Variants in SEMA4C observed in about 807,000 individuals in gnomAD.
SEMA4C encodes semaphorin-4C.
Under a neutral mutation model 89.0 loss-of-function variants are expected in SEMA4C, and 19 were observed. The observed-to-expected ratio is 0.21, with a 90% confidence interval of 0.15 to 0.31. SEMA4C has a LOEUF of 0.31. Among genes scored for constraint, SEMA4C ranks in the 10% least tolerant of loss-of-function variants. The pLI is 1.00. For missense variants in SEMA4C, 811 were observed against 1,107.0 expected (o/e 0.73, Z 3.79); for synonymous variants, 428 against 472.7 (o/e 0.91, Z 1.23).
In SEMA4C at chr2:96,864,426, C is replaced by G; in HGVS notation, c.963-44G>C. On this transcript the variant is annotated intron_variant, in intron 9 of 14. Transcript: ENST00000305476. The surrounding 1 kb of genome is among the most constrained non-coding windows in gnomAD (Gnocchi z 6.3). Reference sequence around the variant, plus strand: ...GCCCAGGGTCAGGTACCCACCTTATCTCTTCCCACCCCAGCTAAGGGCAAG... The same window carrying G: ...GCCCAGGGTCAGGTACCCACCTTATGTCTTCCCACCCCAGCTAAGGGCAAG... 1 of 1,607,452 alleles carries G rather than the reference C, an allele frequency of 6.2e-7. No individual in the cohort carries two copies. The highest frequency in any genetic ancestry group is 2.2e-5 in the East Asian group (1 of 44,868).
At position 96,861,831 on chromosome 2, in the gene SEMA4C, A is replaced by G. The variant is rs1361403430; in HGVS notation, c.1507T>C (p.Tyr503His). 1 of 1,612,826 alleles carries G rather than the reference A, an allele frequency of 6.2e-7. No individual in the cohort carries two copies. The change falls in exon 13 of 15, where the codon TAT (tyrosine) becomes CAT (histidine). Residue 503 changes from tyrosine to histidine, a missense_variant. Around this residue, in one of 4 missense-constraint regions of SEMA4C, gnomAD observed 441 missense variants for 664.9 expected, o/e 0.66. Transcript: ENST00000305476. This position sits in a 1 kb window ranked among gnomAD's most constrained non-coding sequence, Gnocchi z 7.8. The stretch of plus-strand genomic sequence containing the variant: ...AGGACACAGTCTGCACAGGAGCGAT[A>G]CTTCATGCAGTCGGCCACGGGCAGC... ...VQLPVADCMK[Y>H]RSCADCVLAR...
rs1559030827 is a variant in SEMA4C, at chr2:96,861,409, C to G, written c.1719G>C (p.Leu573=). 1.2e-6 allele frequency: 2 copies of G among 1,611,058 alleles called. No individual in the cohort carries two copies. The highest frequency in any genetic ancestry group is 2.7e-5 in the African/African-American group (2 of 75,052). The change falls in exon 15 of 15, where the codon CTG becomes CTC. Residue 573 remains leucine (L), a synonymous_variant. Transcript: ENST00000305476. The surrounding 1 kb of genome is among the most constrained non-coding windows in gnomAD (Gnocchi z 7.8). ...TGGAGGAGAGGTGGCAGGGCAGCAC[C>G]AGGTCTGTGCCCGCCACCACCGTGA... ...KNITVVAGTD[L]VLPCHLSSNL...
At position 96,864,392 on chromosome 2, in the gene SEMA4C, C is replaced by T. The variant is rs373847886; in HGVS notation, c.963-10G>A. ...CAGGTACATGTCACCCCTGTCACAG[C>T]GAGAGGGAGCCCAGGGTCAGGTACC... is the stretch of plus-strand genomic sequence containing the variant. On this transcript the variant is annotated splice_polypyrimidine_tract_variant and intron_variant, in intron 9 of 14. Transcript: ENST00000305476. The surrounding 1 kb of genome is among the most constrained non-coding windows in gnomAD (Gnocchi z 6.3). 86 of 1,612,664 alleles carry T rather than the reference C, an allele frequency of 5.3e-5. No individual in the cohort carries two copies. Among genetic ancestry groups the T allele is most frequent in the African/African-American group, 1.1e-4 (8 of 74,902 alleles).
At chr2:96,869,120 G>C (rs1427628368) in intron 1 of SEMA4C, 1 of 985,222 alleles carries the variant, frequency 1.0e-6, no homozygotes, top group Non-Finnish European at 1.2e-6. Context: ...GCCCCGGCGC[G>C]GGAGAGCGGG....
At chr2:96,868,856 G>A (rs2080143171) in intron 1 of SEMA4C, 1 of 985,410 alleles carries the variant, frequency 1.0e-6, no homozygotes, top group Non-Finnish European at 1.2e-6. Context: ...CCCAACTCGG[G>A]GACTGCGCCC....
Position 96,865,690 on chromosome 2 carries a change from G to T in SEMA4C, c.396C>A (p.Ala132=). 1 of 1,614,180 alleles carries T rather than the reference G, an allele frequency of 6.2e-7. No homozygotes were observed. The highest frequency in any genetic ancestry group is 8.5e-7 in the Non-Finnish European group (1 of 1,180,030). The change falls in exon 5 of 15, where the codon GCC becomes GCA. Residue 132 remains alanine (A), a synonymous_variant. Transcript: ENST00000305476. ...CGACGTAGGTGCACTTGGGCTGGAA[G>T]GCGTAGGTGCCACAGACGTACAGGT... The part of the protein sequence containing the change: ...ASHLYVCGTY[A]FQPKCTYVNM...
At chr2:96,868,542 G>C (rs1189169408) in intron 1 of SEMA4C, 1 of 985,890 alleles carries the variant, frequency 1.0e-6, no homozygotes, top group East Asian at 1.1e-4. Flanking sequence ...GAAGGGCCGG[G>C]AGCGAAGGGG....
In SEMA4C at chr2:96,864,801, T is replaced by G. The variant is rs775266807; in HGVS notation, c.866A>C (p.Asn289Thr). 1 of 1,613,892 alleles carries G rather than the reference T, an allele frequency of 6.2e-7. No individual in the cohort carries two copies. The highest frequency in any genetic ancestry group is 8.5e-7 in the Non-Finnish European group (1 of 1,179,986). Residue 289 changes from asparagine (N) to threonine (T), a missense_variant, in exon 9 of 15, where the codon AAC becomes ACC. Coordinates refer to ENST00000305476, the MANE Select transcript of SEMA4C (RefSeq NM_017789.5). The surrounding 1 kb of genome is among the most constrained non-coding windows in gnomAD (Gnocchi z 6.3). The part of the protein sequence containing the change: ...LKARLACSAP[N>T]WQLYFNQLQA... ...CAGCTGGTTGAAGTAGAGCTGCCAG[T>G]TCGGGGCAGAGCATGCCAGCCGCGC...
chr2:96,861,815 T>A lies in SEMA4C; in HGVS notation c.1523A>T (p.Asp508Val). The stretch of plus-strand genomic sequence containing the variant: ...ATAGGGGTCCCGGGCGAGGACACAG[T>A]CTGCACAGGAGCGATACTTCATGCA... ...ADCMKYRSCA[D>V]CVLARDPYCA... Residue 508 changes from aspartate (D) to valine (V), a missense_variant, in exon 13 of 15, where the codon GAC becomes GTC. Asp to Val is a radical substitution (Grantham distance 152). Transcript: ENST00000305476. This position sits in a 1 kb window ranked among gnomAD's most constrained non-coding sequence, Gnocchi z 7.8. 1 of 1,612,952 alleles carries A rather than the reference T, an allele frequency of 6.2e-7. No homozygotes were observed. Among genetic ancestry groups the A allele is most frequent in the Non-Finnish European group, 8.5e-7 (1 of 1,179,998 alleles).
chr2:96,860,795 A>C lies in SEMA4C; in HGVS notation c.2333T>G (p.Leu778Arg), dbSNP rs1398966388. ...QPLPSPTRLH[L>R]GGGRNSNANG... ...GGCATTTGAGTTCCGCCCACCCCCC[A>C]GGTGAAGCCGAGTTGGAGAAGGCAG... Residue 778 changes from leucine to arginine, a missense_variant, in exon 15 of 15, where the codon CTG (leucine) becomes CGG (arginine). Physicochemically the swap from Leu to Arg is moderately radical, Grantham distance 102 (BLOSUM62 -2). This residue lies in a region of SEMA4C where 248 missense variants were observed against 269.0 expected (regional missense o/e 0.92). Coordinates refer to ENST00000305476, the MANE Select transcript of SEMA4C (RefSeq NM_017789.5). 6.2e-7 allele frequency: 1 copy of C among 1,613,740 alleles called. No individual in the cohort carries two copies. Among genetic ancestry groups the C allele is most frequent in the South Asian group, 1.1e-5 (1 of 91,076 alleles).
rs534891081 is a variant in SEMA4C at position 96,865,646 on chromosome 2, G to A, written c.420+20C>T. 63 of 1,611,496 alleles carry A rather than the reference G, an allele frequency of 3.9e-5. 1 individual carries two copies. The Middle Eastern group carries it at 4.9e-4, about 13-fold the overall frequency. ...GAGGGCGGGGGGCTGGGGACACCGA[G>A]GTAGGAGGGCAGCACTCACGACGTA... On this transcript the variant is annotated intron_variant, in intron 5 of 14. Transcript: ENST00000305476.
chr2:96,867,849 C>T lies in SEMA4C; in HGVS notation c.38G>A (p.Arg13Lys), dbSNP rs2080116841. Residue 13 changes from arginine to lysine, a missense_variant, in exon 2 of 15, where the codon AGG (arginine) becomes AAG (lysine). Transcript: ENST00000305476. ...AGCCCCAATGCCCAGGCCCCACAGC[C>T]TTGCTGCCAGCAGCCAGACAGCCCA... ...PHWAVWLLAA[R>K]LWGLGIGAEV... 1 of 1,613,590 alleles carries T rather than the reference C, an allele frequency of 6.2e-7. No individual in the cohort carries two copies.
At chr2:96,865,996 C>T in intron 3 of SEMA4C, 67 bp from the exon 4 acceptor site, 2 of 1,512,644 alleles carry the variant, frequency 1.3e-6, no homozygotes, top group Non-Finnish European at 9.2e-7. Flanking sequence ...ACAAGCACAG[C>T]CTGCAGCAGC....
At chr2:96,863,817 T>C (rs369824577) in intron 11 of SEMA4C, 23 bp from the exon 12 acceptor site, 2 of 1,609,172 alleles carry the variant, frequency 1.2e-6, no homozygotes, top group African/African-American at 2.7e-5. Context: ...GAGGAGAAGG[T>C]GTAAATGAGA....
intron 7 of SEMA4C, 27 bp downstream of exon 7, chr2:96,865,177 G>A (rs1271552370): frequency 6.2e-7 from 1 of 1,610,084 alleles, no homozygotes; most frequent in Non-Finnish European, 8.5e-7. Context: ...CCCACCCATG[G>A]CTCCCACAGG....
chr2:96,863,712 G>T lies in SEMA4C; in HGVS notation c.1413C>A (p.Pro471=). Residue 471 remains proline, a synonymous_variant, in exon 12 of 15, where the codon CCC becomes CCA. Transcript: ENST00000305476. The part of the protein sequence containing the change: ...IEELQLFDQE[P]MRSLVLSQSK... The stretch of plus-strand genomic sequence containing the variant: ...TCTGAGATAGCACCAGGCTTCTCAT[G>T]GGCTCCTGGTCAAACAGCTGCAGCT... 1 of 1,614,050 alleles carries T rather than the reference G, an allele frequency of 6.2e-7. No individual in the cohort carries two copies. The highest frequency in any genetic ancestry group is 8.5e-7 in the Non-Finnish European group (1 of 1,179,966).
In SEMA4C at chr2:96,864,162, G is replaced by T; in HGVS notation, c.1108-14C>A. 6.2e-7 allele frequency: 1 copy of T among 1,612,770 alleles called. No homozygotes were observed. Among genetic ancestry groups the T allele is most frequent in the South Asian group, 1.1e-5 (1 of 91,076 alleles). ...GTTGTTAATGCACTGGGGGCAGGGTGTGGGGGGCAGGCCATCAGCAGGGTG... is the reference window on the plus strand; with the variant it reads ...GTTGTTAATGCACTGGGGGCAGGGTTTGGGGGGCAGGCCATCAGCAGGGTG... On this transcript the variant is annotated splice_polypyrimidine_tract_variant and intron_variant, in intron 10 of 14. Coordinates refer to ENST00000305476, the MANE Select transcript of SEMA4C (RefSeq NM_017789.5). The surrounding 1 kb of genome is among the most constrained non-coding windows in gnomAD (Gnocchi z 6.3).
chr2:96,861,653 G>A lies in SEMA4C; in HGVS notation c.1602-4C>T. On this transcript the variant is annotated splice_region_variant and splice_polypyrimidine_tract_variant and intron_variant, in intron 13 of 14. Transcript: ENST00000305476. This position sits in a 1 kb window ranked among gnomAD's most constrained non-coding sequence, Gnocchi z 7.8. The stretch of plus-strand genomic sequence containing the variant: ...CACATGCTGGATCAGTAGAGATCTG[G>A]TAGGGGATGTAGGGTACATCAGCAG... 6.3e-7 allele frequency: 1 copy of A among 1,581,954 alleles called. No homozygotes were observed. Among genetic ancestry groups the A allele is most frequent in the Non-Finnish European group, 8.6e-7 (1 of 1,160,754 alleles).
Position 96,864,415 on chromosome 2 carries a change from A to ACC in SEMA4C, c.963-35_963-34dup. 1 of 1,610,034 alleles carries ACC rather than the reference A, an allele frequency of 6.2e-7. No homozygotes were observed. The highest frequency in any genetic ancestry group is 8.5e-7 in the Non-Finnish European group (1 of 1,179,670). Reference sequence around the variant, plus strand: ...AGCGAGAGGGAGCCCAGGGTCAGGTACCCACCTTATCTCTTCCCACCCCAG... The same window carrying ACC: ...AGCGAGAGGGAGCCCAGGGTCAGGTACCCCCACCTTATCTCTTCCCACCCCAG... On this transcript the variant is annotated intron_variant, in intron 9 of 14. Transcript: ENST00000305476. The surrounding 1 kb of genome is among the most constrained non-coding windows in gnomAD (Gnocchi z 6.3).
Sources: allele counts gnomAD v4.1 joint callset, GRCh38; gene constraint gnomAD v4.1.1; regional missense constraint gnomAD v4.1.1; non-coding constraint Gnocchi (gnomAD v3.1); transcripts MANE v1.5; gene names NCBI Gene and HGNC (gene_info 2026-07-23, HGNC 2026-07-21).